Variants in ABCA8 observed in about 807,000 individuals in gnomAD.
ABCA8 encodes the protein ABC-type organic anion transporter ABCA8.
Under a neutral mutation model 192.3 loss-of-function variants are expected in ABCA8, and 177 were observed. The ratio of observed to expected loss-of-function variants is 0.92; its 90% confidence interval spans 0.81 to 1.04. The LOEUF is 1.04. ABCA8 is among the 50% of genes least tolerant of loss of function. The pLI is 0.00. For synonymous variants in ABCA8, 642 were observed against 690.2 expected, an observed-to-expected ratio of 0.93 and a Z score of 1.09; for missense variants, 1,915 against 1,904.8, an observed-to-expected ratio of 1.01 and a Z score of -0.10.
intron 13 of ABCA8, 32 bp from the exon 14 acceptor site, chr17:68,919,508 A>T (rs757965669): frequency 6.4e-7 from 1 of 1,563,678 alleles, no homozygotes; most frequent in Admixed American, 1.7e-5. Context: ...TATCAAGATA[A>T]GGCTTAAGAT....
rs764166382 is a variant in ABCA8, at chr17:68,942,015, C to G, written c.20G>C (p.Ser7Thr). 1.2e-6 allele frequency: 2 copies of G among 1,612,146 alleles called. No individual in the cohort carries two copies. The highest frequency in any genetic ancestry group is 2.2e-5 in the South Asian group (2 of 90,730). The part of the protein sequence containing the change: MRKRKI[S>T]VCQQTWALLC... ...TAAGGCCCAAGTTTGTTGACACACA[C>G]TGATCTTTCTCTTCCTCATCTTGTC... The change falls in exon 3 of 40, where the codon AGT (serine) becomes ACT (threonine). Residue 7 changes from serine (S) to threonine (T), a missense_variant. Ser to Thr is a moderately conservative substitution (Grantham distance 58). Transcript: ENST00000586539.
intron 21 of ABCA8, among the ~76,000 whole-genome samples, chr17:68,895,611 G>T (rs563801484): frequency 5.3e-5 from 8 of 152,114 alleles, no homozygotes; most frequent in African/African-American, 1.9e-4. Context: ...AGCCTGATCC[G>T]TCTACTCCCC....
At chr17:68,926,985 G>C (rs910795257) in intron 10 of ABCA8, among the ~76,000 whole-genome samples, 2 of 152,242 alleles carry the variant, frequency 1.3e-5, no homozygotes, top group African/African-American at 4.8e-5. Flanking sequence ...GCCGGGCACT[G>C]TGGCTCATGC....
chr17:68,887,624 A>G (rs1015731534), intron 24 of ABCA8, 118 bp from the exon 25 acceptor site: 2 of 862,158 alleles, frequency 2.3e-6, no homozygotes, highest in Non-Finnish European at 3.5e-6. Flanking sequence ...TACAAATGTA[A>G]TCTGGACTAA....
intron 12 of ABCA8, 114 bp from the exon 13 acceptor site, chr17:68,921,606 G>T: frequency 1.8e-6 from 1 of 551,252 alleles, no homozygotes; most frequent in East Asian, 3.0e-5. Context: ...TCTCTTGAAT[G>T]GTTGTCTTTT....
At chr17:68,900,535 T>C (rs1313660728) in intron 21 of ABCA8, among the ~76,000 whole-genome samples, 5 of 67,180 alleles carry the variant, frequency 7.4e-5, no homozygotes, top group African/African-American at 3.4e-4. Context: ...CTTCACAAAG[T>C]CTCAAAAAAA....
intron 17 of ABCA8, among the ~76,000 whole-genome samples, chr17:68,909,140 T>C (rs1160982249): frequency 1.3e-5 from 2 of 152,198 alleles, no homozygotes; most frequent in African/African-American, 2.4e-5. Context: ...TGTAGGAACT[T>C]GTGCTGAGTG....
rs2067225540 is a variant in ABCA8, at chr17:68,911,468, C to T, written c.2139-3589G>A. On this transcript the variant is annotated intron_variant, in intron 17 of 39. Coordinates refer to ENST00000586539, the MANE Select transcript of ABCA8 (RefSeq NM_001288985.2). The surrounding 1 kb of genome is among the most constrained non-coding windows in gnomAD (Gnocchi z 5.7). ...AGATTTCTGACTCCAGGTCCTTCCT[C>T]CCAGAAGGCATTTCTGGACCCACCC... Among the ~76,000 whole-genome samples the T allele has an allele frequency of 6.6e-6, 1 of 152,122 alleles. No individual in the cohort carries two copies. The highest frequency in any genetic ancestry group is 1.5e-5 in the Non-Finnish European group (1 of 68,022).
chr17:68,932,403 A>T lies in ABCA8; in HGVS notation c.682T>A (p.Ser228Thr), dbSNP rs750301912. Residue 228 changes from serine (S) to threonine (T), a missense_variant, in exon 7 of 40, where the codon TCC (serine) becomes ACC (threonine). Coordinates refer to ENST00000586539, the MANE Select transcript of ABCA8 (RefSeq NM_001288985.2). ...SGVITDLYLF[S>T]CIISFSSFIY... ...AATGAGGAAAATGAAATAATGCAGG[A>T]AAAAAGGTACAAATCAGTTATAACT... The T allele has an allele frequency of 3.7e-6, 6 of 1,612,974 alleles. No individual in the cohort carries two copies. The highest frequency in any genetic ancestry group is 5.1e-6 in the Non-Finnish European group (6 of 1,179,050).
rs747331811 is a variant in ABCA8 at position 68,902,705 on chromosome 17, C to T, written c.2764+8G>A. 11 of 1,608,382 alleles carry T rather than the reference C, an allele frequency of 6.8e-6. No homozygotes were observed. The highest frequency in any genetic ancestry group is 9.4e-6 in the Non-Finnish European group (11 of 1,175,614). ...ATGTATTTGGAAATCAAGTATCCAC[C>T]ATTTTACCTGTTTTATTGATGATCA... On this transcript the variant is annotated splice_region_variant and intron_variant, in intron 21 of 39. Coordinates refer to ENST00000586539, the MANE Select transcript of ABCA8 (RefSeq NM_001288985.2).
chr17:68,940,980 A>T lies in ABCA8; in HGVS notation c.97-18T>A, dbSNP rs200058171. 1 of 1,545,284 alleles carries T rather than the reference A, an allele frequency of 6.5e-7. No individual in the cohort carries two copies. The highest frequency in any genetic ancestry group is 2.3e-5 in the East Asian group (1 of 43,862). On this transcript the variant is annotated intron_variant, in intron 3 of 39. Coordinates refer to ENST00000586539, the MANE Select transcript of ABCA8 (RefSeq NM_001288985.2). The stretch of plus-strand genomic sequence containing the variant: ...AGCCATTCCTATATAATACAGGAAA[A>T]AAGATAAAGAAAAGTCTTATTTAAA...
At chr17:68,942,132 C>T (rs2068248307) in intron 2 of ABCA8, 93 bp from the exon 3 acceptor site, 1 of 864,440 alleles carries the variant, frequency 1.2e-6, no homozygotes, top group Non-Finnish European at 1.8e-6. Context: ...TAGCCTAATA[C>T]TCCAATGTTC....
At chr17:68,953,703 G>A (rs1257175871) in intron 1 of ABCA8, among the ~76,000 whole-genome samples, 1 of 152,150 alleles carries the variant, frequency 6.6e-6, no homozygotes, top group African/African-American at 2.4e-5. Flanking sequence ...TAAGAGAGCT[G>A]TGCAAGGCTC....
At chr17:68,889,013 A>C (rs558238289) in intron 24 of ABCA8, among the ~76,000 whole-genome samples, 1 of 152,370 alleles carries the variant, frequency 6.6e-6, no homozygotes, top group East Asian at 1.9e-4. Flanking sequence ...AAAGCCAAAG[A>C]AAGTGTTCAT....
intron 23 of ABCA8, among the ~76,000 whole-genome samples, chr17:68,891,848 T>G (rs2066630412): frequency 6.6e-6 from 1 of 152,216 alleles, no homozygotes. Flanking sequence ...GATTTTTCTC[T>G]TTTCTTGCTT....
At chr17:68,898,413 C>T (rs889647339) in intron 21 of ABCA8, among the ~76,000 whole-genome samples, 2 of 151,624 alleles carry the variant, frequency 1.3e-5, no homozygotes, top group African/African-American at 4.8e-5. Flanking sequence ...AACTTTTTTC[C>T]AAGATAAACA....
In ABCA8 at chr17:68,924,674, C is replaced by T. The variant is rs373453242; in HGVS notation, c.1442+27G>A. The stretch of plus-strand genomic sequence containing the variant: ...ATCTCTTAGCTTCCTGCCTTTTTGC[C>T]CTGTTCTCCACCTGCAGCCTTATTA... On this transcript the variant is annotated intron_variant, in intron 11 of 39. Coordinates refer to ENST00000586539, the MANE Select transcript of ABCA8 (RefSeq NM_001288985.2). The T allele has an allele frequency of 1.8e-5, 28 of 1,596,324 alleles. No individual in the cohort carries two copies. In the African/African-American group the frequency reaches 3.4e-4, roughly 19 times the overall value.
Position 68,867,777 on chromosome 17 carries a change from T to C in ABCA8, c.*308A>G, listed in dbSNP as rs908660380. On this transcript the variant is annotated 3_prime_UTR_variant, in exon 40 of 40. Transcript: ENST00000586539. ...TTTTATTAAAAAAATTTAAACAAAATTTGTTTATCTTATCTAGAAACTTAT... is the reference window on the plus strand; with the variant it reads ...TTTTATTAAAAAAATTTAAACAAAACTTGTTTATCTTATCTAGAAACTTAT... 5.2e-6 allele frequency: 1 copy of C among 191,594 alleles called. No individual in the cohort carries two copies. Among genetic ancestry groups the C allele is most frequent in the African/African-American group, 2.3e-5 (1 of 43,130 alleles). 11.9% of individuals were successfully genotyped at this position (191,594 alleles called of 1,614,324 possible). A position where few individuals can be genotyped will look rare whatever the true frequency, so the allele number is the denominator to read the frequency against.
At chr17:68,910,800 C>T (rs1229066649) in intron 17 of ABCA8, among the ~76,000 whole-genome samples, 1 of 152,226 alleles carries the variant, frequency 6.6e-6, no homozygotes, top group Non-Finnish European at 1.5e-5. Flanking sequence ...ATTCCAGGCC[C>T]TTGCTCCCAG....
Sources: gnomAD v4.1 joint callset for allele counts (sites outside exome capture counted in the v4.1 genomes callset) on GRCh38, gnomAD v4.1.1 for gene constraint, Gnocchi (gnomAD v3.1) non-coding constraint, MANE v1.5 for transcripts, NCBI Gene and HGNC (gene_info 2026-07-23, HGNC 2026-07-21) for gene names.